Variants in KCNIP1 observed in about 807,000 individuals in gnomAD.
KCNIP1 encodes A-type potassium channel modulatory protein KCNIP1.
In KCNIP1, 18 loss-of-function variants were observed where a neutral mutation model predicts 33.0. The observed-to-expected ratio is 0.55, with a 90% CI of 0.38 to 0.81. The LOEUF (loss-of-function observed/expected upper bound fraction) is 0.81, where lower values mean the gene tolerates loss of function less well. Ranked by LOEUF, KCNIP1 falls within the 30% of genes least tolerant of loss-of-function variation. The pLI is 0.00. For synonymous variants in KCNIP1, 93 were observed against 98.3 expected (o/e 0.95, Z 0.32); for missense variants, 238 against 271.6 (o/e 0.88, Z 0.87).
intron 1 of KCNIP1, chr5:170,483,050 C>A (rs1395784420): frequency 4.4e-6 from 2 of 454,216 alleles, no homozygotes; most frequent in East Asian, 1.4e-4. Flanking sequence ...CCTTTTGTTT[C>A]CAAGGACAGA....
At chr5:170,414,346 T>G (rs1411028486) in intron 1 of KCNIP1, among the ~76,000 whole-genome samples, 1 of 152,242 alleles carries the variant, frequency 6.6e-6, no homozygotes, top group Non-Finnish European at 1.5e-5. Flanking sequence ...CTGCACATCG[T>G]GAACTATAGC....
chr5:170,682,997 A>G (rs1045833808), intron 1 of KCNIP1, among the ~76,000 whole-genome samples: 68 of 151,726 alleles, frequency 4.5e-4, no homozygotes, highest in African/African-American at 1.4e-3. Flanking sequence ...TTTCCATATC[A>G]TAAGTATCCA....
At chr5:170,385,266 A>G (rs767584160) in intron 1 of KCNIP1, 4 of 1,608,104 alleles carry the variant, frequency 2.5e-6, no homozygotes, top group Non-Finnish European at 3.4e-6. Flanking sequence ...CAGATGCCAG[A>G]CCCTTAGGAG....
chr5:170,651,932 T>C (rs1761059203), intron 1 of KCNIP1, among the ~76,000 whole-genome samples: 1 of 152,236 alleles, frequency 6.6e-6, no homozygotes, highest in African/African-American at 2.4e-5. Flanking sequence ...GGTAATTGTG[T>C]TCATGTTTTT....
At chr5:170,510,122 G>A (rs1313800120) in intron 1 of KCNIP1, among the ~76,000 whole-genome samples, 2 of 151,988 alleles carry the variant, frequency 1.3e-5, no homozygotes, top group African/African-American at 4.8e-5. Context: ...ATCTTTCAAG[G>A]CCTCATTCAA....
At chr5:170,471,715 C>G (rs1397597273) in intron 1 of KCNIP1, among the ~76,000 whole-genome samples, 2 of 152,172 alleles carry the variant, frequency 1.3e-5, no homozygotes. Context: ...CCCCTGCCTC[C>G]TCCCTCTCTT....
At chr5:170,461,281 T>C (rs1429504016) in intron 1 of KCNIP1, among the ~76,000 whole-genome samples, 1 of 152,028 alleles carries the variant, frequency 6.6e-6, no homozygotes, top group East Asian at 1.9e-4. Flanking sequence ...AATACTACTA[T>C]CATTCTTCAC....
chr5:170,711,756 C>T (rs114965055), intron 1 of KCNIP1, among the ~76,000 whole-genome samples: 3,685 of 152,212 alleles, frequency 0.024, 63 homozygotes, highest in Non-Finnish European at 0.032. Context: ...AATACAAATG[C>T]CACCTCACCA....
rs200566859 is a variant in KCNIP1, at chr5:170,387,893, T to C, written c.88+33929T>C. Among the ~76,000 whole-genome samples the C allele has an allele frequency of 1.5e-4, 23 of 152,334 alleles. No homozygotes were observed. In the East Asian group the frequency reaches 2.7e-3, roughly 18 times the overall value. On this transcript the variant is annotated intron_variant, in intron 1 of 7. Transcript: ENST00000377360. Reference sequence around the variant, plus strand: ...CCAGATACTGTGAGACATAAATCATTTGAAGCCAATGGGAAATCCCATCTT... The same window carrying C: ...CCAGATACTGTGAGACATAAATCATCTGAAGCCAATGGGAAATCCCATCTT...
At chr5:170,688,383 T>C (rs764951280) in intron 1 of KCNIP1, among the ~76,000 whole-genome samples, 5 of 152,216 alleles carry the variant, frequency 3.3e-5, no homozygotes, top group Non-Finnish European at 5.9e-5. Flanking sequence ...GGAATGTATT[T>C]TGGTACATTT....
chr5:170,484,902 C>T (rs1757052071), intron 1 of KCNIP1, among the ~76,000 whole-genome samples: 1 of 151,580 alleles, frequency 6.6e-6, no homozygotes, highest in Non-Finnish European at 1.5e-5. Flanking sequence ...ACCCAGTGGG[C>T]TCAGAGCTGG....
At chr5:170,551,618 CTGTG>C (rs149174124) in intron 1 of KCNIP1, among the ~76,000 whole-genome samples, 2 of 150,046 alleles carry the variant, frequency 1.3e-5, no homozygotes, top group African/African-American at 2.4e-5. Flanking sequence ...GCCAAGGTAG[CTGTG>C]TGTGTGTGTG....
chr5:170,703,942 C>G lies in KCNIP1; in HGVS notation c.62-14816C>G, dbSNP rs2113841091. Among the ~76,000 whole-genome samples the G allele has an allele frequency of 1.4e-5, 2 of 138,104 alleles. 1 individual carries two copies. The highest frequency in any genetic ancestry group is 5.4e-4 in the South Asian group (2 of 3,724). 90.6% of individuals were successfully genotyped at this position (138,104 alleles called of 152,430 possible). On this transcript the variant is annotated intron_variant, in intron 1 of 7. Coordinates refer to ENST00000328939, the MANE Select transcript of KCNIP1 (RefSeq NM_014592.4). The stretch of plus-strand genomic sequence containing the variant: ...CACAAGACACAATCTCCGCCTACCC[C>G]ACCCTTGAATATGAAAACTGTGACA...
upstream of KCNIP1, among the ~76,000 whole-genome samples, chr5:170,501,856 C>T (rs116463870): frequency 1.2e-3 from 183 of 152,328 alleles, no homozygotes; most frequent in African/African-American, 4.3e-3. Flanking sequence ...GCTTCAGCCT[C>T]GCATGCCCTC....
intron 1 of KCNIP1, among the ~76,000 whole-genome samples, chr5:170,368,560 G>A (rs1406221559): frequency 1.3e-5 from 2 of 152,178 alleles, no homozygotes; most frequent in Non-Finnish European, 2.9e-5. Context: ...ACCGTGCCCG[G>A]CCTAAAGTTC....
chr5:170,635,840 T>C (rs1371903999), intron 1 of KCNIP1, among the ~76,000 whole-genome samples: 1 of 152,220 alleles, frequency 6.6e-6, no homozygotes, highest in Non-Finnish European at 1.5e-5. Context: ...GGCTAGACCA[T>C]GGCAGGCAGA....
intron 1 of KCNIP1, chr5:170,385,420 TC>T (rs1306315857): frequency 6.2e-7 from 1 of 1,614,182 alleles, no homozygotes; most frequent in Admixed American, 1.7e-5. Flanking sequence ...TCTCCCCGCT[TC>T]TGGGCCATCA....
At chr5:170,668,262 C>A (rs1428941237) in intron 1 of KCNIP1, among the ~76,000 whole-genome samples, 1 of 152,194 alleles carries the variant, frequency 6.6e-6, no homozygotes, top group Non-Finnish European at 1.5e-5. Context: ...GGAGGGGAGG[C>A]AAAGTTTGGT....
In KCNIP1 at chr5:170,489,583, C is replaced by T. The variant is rs1000807878; in HGVS notation, c.88+135619C>T. On this transcript the variant is annotated intron_variant, in intron 1 of 7. Transcript: ENST00000377360. This position sits in a 1 kb window ranked among gnomAD's most constrained non-coding sequence, Gnocchi z 4.3. ...CCTTCAGACAGTTCTGAGCAGACCA[C>T]GCAAAATACAACTGTGATGTTATTT... 2.6e-5 allele frequency among the ~76,000 whole-genome samples: 4 copies of T among 152,340 alleles called. 1 individual carries two copies. The highest frequency in any genetic ancestry group is 4.1e-4 in the South Asian group (2 of 4,824).
Sources: gnomAD v4.1 joint callset for allele counts (sites outside exome capture counted in the v4.1 genomes callset) on GRCh38, gnomAD v4.1.1 for gene constraint, Gnocchi (gnomAD v3.1) non-coding constraint, MANE v1.5 for transcripts, NCBI Gene and HGNC (gene_info 2026-07-23, HGNC 2026-07-21) for gene names.